LARP1B: variants seen among roughly 807,000 people sequenced by gnomAD.
LARP1B encodes the protein la-related protein 1B.
LARP1B carries 76 observed loss-of-function variants against 114.2 expected under a neutral mutation model. The observed-to-expected ratio is 0.67, with a 90% CI of 0.55 to 0.81. The LOEUF (loss-of-function observed/expected upper bound fraction) is 0.81. LARP1B is among the 30% of genes least tolerant of loss of function. LARP1B has a pLI of 0.00. For synonymous variants in LARP1B, 345 were observed against 348.0 expected (o/e 0.99, Z 0.10); for missense variants, 1,014 against 1,075.8 (o/e 0.94, Z 0.80).
At chr4:128,164,108 AT>A in intron 12 of LARP1B, among the ~76,000 whole-genome samples, 1 of 152,142 alleles carries the variant, frequency 6.6e-6, no homozygotes, top group South Asian at 2.1e-4. Context: ...CTTTTTACTT[AT>A]ATATAAAAAA....
chr4:128,172,291 A>C (rs1362510692), intron 12 of LARP1B, among the ~76,000 whole-genome samples: 1 of 151,606 alleles, frequency 6.6e-6, no homozygotes, highest in African/African-American at 2.4e-5. Context: ...TGTACTTTTC[A>C]TGTTTCTTGT....
intron 11 of LARP1B, among the ~76,000 whole-genome samples, chr4:128,146,593 A>G (rs1276606112): frequency 6.6e-6 from 1 of 152,202 alleles, no homozygotes; most frequent in African/African-American, 2.4e-5. Flanking sequence ...CAGTTAGGAA[A>G]TCGGTCTTGC....
In LARP1B at chr4:128,100,421, C is replaced by T. The variant is rs546856964; in HGVS notation, c.813+2091C>T. On this transcript the variant is annotated intron_variant, in intron 8 of 19. Coordinates refer to ENST00000326639, the MANE Select transcript of LARP1B (RefSeq NM_018078.4). ...CCAAGTAGCTGGTACTACAGGCGCA[C>T]GCCACCAAGCCTATCTAACTTTTGT... Among the ~76,000 whole-genome samples, 64 of 151,772 alleles carry T rather than the reference C, an allele frequency of 4.2e-4. No individual in the cohort carries two copies. In the East Asian group the frequency reaches 0.011, roughly 27 times the overall value.
In LARP1B at chr4:128,211,830, A is replaced by T. The variant is rs910302891; in HGVS notation, c.*1777A>T. The T allele has an allele frequency of 2.7e-6, 2 of 738,284 alleles. No homozygotes were observed. The highest frequency in any genetic ancestry group is 3.8e-5 in the African/African-American group (2 of 52,744). 45.7% of individuals were successfully genotyped at this position (738,284 alleles called of 1,614,324 possible). The stretch of plus-strand genomic sequence containing the variant: ...TGTAAATTTGATTGGAAAATTGTAT[A>T]TTATAAATGAAAATACAATAATCAG... On this transcript the variant is annotated 3_prime_UTR_variant, in exon 20 of 20. Coordinates refer to ENST00000326639, the MANE Select transcript of LARP1B (RefSeq NM_018078.4).
intron 15 of LARP1B, among the ~76,000 whole-genome samples, chr4:128,190,313 TC>T (rs1335582397): frequency 6.6e-6 from 1 of 152,206 alleles, no homozygotes; most frequent in African/African-American, 2.4e-5. Flanking sequence ...GCCAAAAAAA[TC>T]AGAGCTCTTT....
At chr4:128,199,378 G>T in intron 15 of LARP1B, 61 bp from the exon 16 acceptor site, 5 of 1,314,422 alleles carry the variant, frequency 3.8e-6, no homozygotes, top group South Asian at 2.0e-5. Context: ...AGTACAAATT[G>T]GTTCATATAC....
intron 1 of LARP1B, chr4:128,062,022 C>T (rs1339848745): frequency 1.0e-6 from 1 of 985,116 alleles, no homozygotes; most frequent in Non-Finnish European, 1.2e-6. Context: ...CCACCGCCGC[C>T]GCCGTCGCCG....
chr4:128,084,635 G>A (rs1461957564), intron 5 of LARP1B, among the ~76,000 whole-genome samples: 2 of 151,774 alleles, frequency 1.3e-5, no homozygotes, highest in African/African-American at 4.8e-5. Flanking sequence ...GAGAGGGGAG[G>A]GGGAGAGGGA....
chr4:128,119,952 AGTTT>A (rs1787336502), intron 10 of LARP1B, among the ~76,000 whole-genome samples: 1 of 152,336 alleles, frequency 6.6e-6, no homozygotes, highest in South Asian at 2.1e-4. Flanking sequence ...CAAATTTAAC[AGTTT>A]GTTTATTCTC....
At chr4:128,208,339 AAAAAG>A (rs1423532704) in intron 19 of LARP1B, among the ~76,000 whole-genome samples, 1 of 152,076 alleles carries the variant, frequency 6.6e-6, no homozygotes, top group East Asian at 1.9e-4. Context: ...AAAAAAAAAA[AAAAAG>A]GGAAGAAGAA....
chr4:128,087,217 G>A (rs915375776), intron 5 of LARP1B, among the ~76,000 whole-genome samples: 2 of 152,044 alleles, frequency 1.3e-5, no homozygotes, highest in East Asian at 1.9e-4. Flanking sequence ...CACCGCATCC[G>A]GCCCAGATAC....
chr4:128,156,509 C>A (rs1448239325), intron 11 of LARP1B, among the ~76,000 whole-genome samples: 2 of 152,144 alleles, frequency 1.3e-5, no homozygotes, highest in African/African-American at 4.8e-5. Context: ...TAGAGGTCCT[C>A]TGGAGCCCTA....
rs552970857 is a variant in LARP1B at position 128,107,723 on chromosome 4, T to C, written c.988+410T>C. The stretch of plus-strand genomic sequence containing the variant: ...GTTACCAATACGCTTTAATCTTGTC[T>C]TGGAAAGATAAAATGACCTGCATTC... On this transcript the variant is annotated intron_variant, in intron 9 of 19. Transcript: ENST00000326639. The C allele has an allele frequency of 6.8e-6, 10 of 1,462,038 alleles. No homozygotes were observed. In the African/African-American group the frequency reaches 1.4e-4, roughly 21 times the overall value. 90.6% of individuals were successfully genotyped at this position (1,462,038 alleles called of 1,614,324 possible).
intron 11 of LARP1B, among the ~76,000 whole-genome samples, chr4:128,146,140 A>G (rs576928213): frequency 1.3e-5 from 2 of 152,324 alleles, no homozygotes; most frequent in African/African-American, 2.4e-5. Flanking sequence ...AGTTATGTCT[A>G]TATGTGTACG....
At chr4:128,125,735 ACT>A (rs1262472455) in intron 11 of LARP1B, among the ~76,000 whole-genome samples, 1 of 152,178 alleles carries the variant, frequency 6.6e-6, no homozygotes, top group Non-Finnish European at 1.5e-5. Flanking sequence ...ACAGAACAAG[ACT>A]CTAACTCAAA....
chr4:128,203,435 G>A lies in LARP1B; in HGVS notation c.2309+2770G>A, dbSNP rs367600674. Reference sequence around the variant, plus strand: ...GTTGCCTAGGCTGGAGTGCAGTGTCGCGATCTCGGCTCACTGCAACCTCTG... The same window carrying A: ...GTTGCCTAGGCTGGAGTGCAGTGTCACGATCTCGGCTCACTGCAACCTCTG... On this transcript the variant is annotated intron_variant, in intron 17 of 19. Coordinates refer to ENST00000326639, the MANE Select transcript of LARP1B (RefSeq NM_018078.4). 9.0e-3 allele frequency among the ~76,000 whole-genome samples: 1,354 copies of A among 149,688 alleles called. 6 individuals are homozygous for A. Among genetic ancestry groups the A allele is most frequent in the Non-Finnish European group, 0.015 (1,009 of 67,764 alleles).
At chr4:128,147,878 T>C (rs936897544) in intron 11 of LARP1B, among the ~76,000 whole-genome samples, 1 of 152,222 alleles carries the variant, frequency 6.6e-6, no homozygotes, top group African/African-American at 2.4e-5. Context: ...TGTTTATTAA[T>C]AGCCTGTTGA....
intron 7 of LARP1B, chr4:128,222,209 A>T: frequency 2.5e-6 from 1 of 407,452 alleles, no homozygotes; most frequent in Non-Finnish European, 5.0e-6. Flanking sequence ...AGTTGCTTAG[A>T]TGCCGTTATT....
chr4:128,098,112 C>T lies in LARP1B; in HGVS notation c.669-74C>T, dbSNP rs1580322501. 3.4e-6 allele frequency: 4 copies of T among 1,177,286 alleles called. No homozygotes were observed. The East Asian group carries it at 7.3e-5, about 22-fold the overall frequency. 72.9% of individuals were successfully genotyped at this position (1,177,286 alleles called of 1,614,324 possible). A position where few individuals can be genotyped will look rare whatever the true frequency, so the allele number is the denominator to read the frequency against. ...TTTTCATGTTAATGATTGGTTTTCA[C>T]AGTTAATGTGGGAGCAATAGAAATA... On this transcript the variant is annotated intron_variant, in intron 7 of 19. Transcript: ENST00000326639.
Sources: gnomAD v4.1 joint callset for allele counts (sites outside exome capture counted in the v4.1 genomes callset) on GRCh38, gnomAD v4.1.1 for gene constraint, MANE v1.5 for transcripts, NCBI Gene and HGNC (gene_info 2026-07-23, HGNC 2026-07-21) for gene names.